Variants in ZDHHC7 observed in about 807,000 individuals in gnomAD.
The protein encoded by ZDHHC7 is palmitoyltransferase ZDHHC7.
ZDHHC7 carries 12 observed loss-of-function variants against 34.1 expected under a neutral mutation model. The observed-to-expected ratio is 0.35, with a 90% CI of 0.23 to 0.57. The LOEUF (loss-of-function observed/expected upper bound fraction) is 0.57, where lower values mean the gene tolerates loss of function less well. Ranked by LOEUF, ZDHHC7 falls within the 20% of genes least tolerant of loss-of-function variation. ZDHHC7 has a pLI of 0.84. For synonymous variants in ZDHHC7, 185 were observed against 155.4 expected (o/e 1.19, Z -1.42); for missense variants, 388 against 402.7 (o/e 0.96, Z 0.31).
At chr16:84,978,472 G>A (rs777968581) in intron 5 of ZDHHC7, among the ~76,000 whole-genome samples, 8 of 152,146 alleles carry the variant, frequency 5.3e-5, no homozygotes, top group Non-Finnish European at 7.4e-5. Context: ...GGTGGCTCAC[G>A]CCTGTAATCC....
chr16:85,015,997 T>C (rs2072832546), upstream of ZDHHC7, among the ~76,000 whole-genome samples: 1 of 152,150 alleles, frequency 6.6e-6, no homozygotes, highest in South Asian at 2.1e-4. Context: ...ATGTTAGTTC[T>C]GGTCAGCTGT....
chr16:84,981,704 C>A (rs2052063356), intron 4 of ZDHHC7, among the ~76,000 whole-genome samples, 166 bp downstream of exon 4: 3 of 152,208 alleles, frequency 2.0e-5, no homozygotes, highest in Admixed American at 2.0e-4. Context: ...CTTTACTCAG[C>A]TCCCTACCCC....
At chr16:85,003,497 A>G (rs2143728238) in intron 1 of ZDHHC7, among the ~76,000 whole-genome samples, 1 of 152,324 alleles carries the variant, frequency 6.6e-6, no homozygotes, top group East Asian at 1.9e-4. Flanking sequence ...CAATCATGAA[A>G]TATTCAGTTT....
intron 1 of ZDHHC7, among the ~76,000 whole-genome samples, chr16:85,008,982 C>T (rs1362290005): frequency 6.6e-6 from 1 of 150,986 alleles, no homozygotes; most frequent in Non-Finnish European, 1.5e-5. Flanking sequence ...GAGGTAGAGG[C>T]TGCAGGGAGC....
At chr16:84,993,971 G>A (rs1168278424) in intron 2 of ZDHHC7, among the ~76,000 whole-genome samples, 1 of 152,192 alleles carries the variant, frequency 6.6e-6, no homozygotes, top group Non-Finnish European at 1.5e-5. Flanking sequence ...GGAGATAAAG[G>A]CTGAAACTGC....
intron 1 of ZDHHC7, among the ~76,000 whole-genome samples, chr16:85,001,814 G>A (rs750562709): frequency 1.5e-4 from 23 of 152,058 alleles, no homozygotes; most frequent in Admixed American, 2.0e-4. Flanking sequence ...GGACTCAAGC[G>A]ATCTTCCCAT....
At chr16:84,993,218 G>T (rs528829050) in intron 2 of ZDHHC7, among the ~76,000 whole-genome samples, 1 of 152,246 alleles carries the variant, frequency 6.6e-6, no homozygotes, top group Non-Finnish European at 1.5e-5. Flanking sequence ...CTACTAGGGA[G>T]GCTGAGGGGG....
chr16:85,012,943 G>A (rs185558958), upstream of ZDHHC7, among the ~76,000 whole-genome samples: 1 of 151,980 alleles, frequency 6.6e-6, no homozygotes, highest in Non-Finnish European at 1.5e-5. Context: ...ATATATCACC[G>A]CAAAATATGC....
At chr16:84,984,797 C>T (rs1309505656) in intron 3 of ZDHHC7, among the ~76,000 whole-genome samples, 3 of 152,042 alleles carry the variant, frequency 2.0e-5, no homozygotes, top group South Asian at 2.1e-4. Flanking sequence ...CCTGAGGCCC[C>T]GAGTCTATCA....
At chr16:84,991,989 A>G (rs2072515621) in intron 2 of ZDHHC7, among the ~76,000 whole-genome samples, 3 of 152,008 alleles carry the variant, frequency 2.0e-5, no homozygotes, top group Admixed American at 2.0e-4. Context: ...CAGCCTGGTC[A>G]ACATGGTGAA....
At position 84,976,104 on chromosome 16, in the gene ZDHHC7, C is replaced by A; in HGVS notation, c.*239G>T. 1.8e-6 allele frequency: 1 copy of A among 543,386 alleles called. No individual in the cohort carries two copies. Among genetic ancestry groups the A allele is most frequent in the South Asian group, 2.3e-5 (1 of 43,960 alleles). 33.7% of individuals were successfully genotyped at this position (543,386 alleles called of 1,614,324 possible). The stretch of plus-strand genomic sequence containing the variant: ...ACAGAAGCCCCAGCTCTGCAGGAGG[C>A]CACGGCGTTTGGCTTCTTCGTGTGG... On this transcript the variant is annotated 3_prime_UTR_variant, in exon 8 of 8. Transcript: ENST00000313732.
At chr16:84,981,840 C>T (rs778976007) in intron 4 of ZDHHC7, 30 bp downstream of exon 4, 4 of 1,612,628 alleles carry the variant, frequency 2.5e-6, no homozygotes, top group Admixed American at 3.3e-5. Context: ...GTGGCGGATG[C>T]GCTCGGGTTT....
chr16:85,009,213 T>G (rs944694028), intron 1 of ZDHHC7, among the ~76,000 whole-genome samples: 2 of 152,096 alleles, frequency 1.3e-5, no homozygotes, highest in Non-Finnish European at 2.9e-5. Flanking sequence ...ATTTTCTTTG[T>G]TAATTTAACA....
At chr16:84,986,118 G>C (rs1013000828) in intron 3 of ZDHHC7, among the ~76,000 whole-genome samples, 34 of 152,164 alleles carry the variant, frequency 2.2e-4, no homozygotes, top group African/African-American at 8.0e-4. Flanking sequence ...TGAAACAAAA[G>C]AATGAGTGAG....
At chr16:85,017,667 A>T in the ZDHHC7 span, among the ~76,000 whole-genome samples, 1 of 152,216 alleles carries the variant, frequency 6.6e-6, no homozygotes, top group South Asian at 2.1e-4. Flanking sequence ...TCTCACAAAT[A>T]TAATTGATAC....
At chr16:85,013,834 C>T (rs2072823275), upstream of ZDHHC7, among the ~76,000 whole-genome samples, 1 of 152,020 alleles carries the variant, frequency 6.6e-6, no homozygotes, top group Non-Finnish European at 1.5e-5. Flanking sequence ...ATTACAGGCA[C>T]CCACCATCAC....
At chr16:85,002,904 T>A (rs1015290630) in intron 1 of ZDHHC7, among the ~76,000 whole-genome samples, 1 of 150,000 alleles carries the variant, frequency 6.7e-6, no homozygotes. Flanking sequence ...AAAATGGAAA[T>A]GGGGTGGAGA....
chr16:84,995,885 G>T (rs370214671), intron 2 of ZDHHC7, 37 bp downstream of exon 2: 3 of 152,188 alleles, frequency 2.0e-5, no homozygotes, highest in African/African-American at 7.2e-5. Context: ...TGTGAGAAAG[G>T]AAACAGTGAT....
rs780887905 is a variant in ZDHHC7, at chr16:84,990,324, T to G, written c.295A>C (p.Arg99=). The change falls in exon 3 of 8, where the codon AGA becomes CGA. Residue 99 remains arginine (R), a synonymous_variant. Transcript: ENST00000313732. ...CTCACAGGGTCGGTGAGCATGGTTCTCAGGTGGGATGACAGGGCAAGCACG... is the reference window on the plus strand; with the variant it reads ...CTCACAGGGTCGGTGAGCATGGTTCGCAGGTGGGATGACAGGGCAAGCACG... ...LAVLALSSHL[R]TMLTDPGAVP... 1.6e-5 allele frequency: 26 copies of G among 1,613,706 alleles called. No individual in the cohort carries two copies. Among genetic ancestry groups the G allele is most frequent in the Admixed American group, 6.7e-5 (4 of 59,954 alleles).
Sources: allele counts gnomAD v4.1 joint callset (sites outside exome capture counted in the v4.1 genomes callset), GRCh38; gene constraint gnomAD v4.1.1; transcripts MANE v1.5; gene names NCBI Gene and HGNC (gene_info 2026-07-23, HGNC 2026-07-21).